HNF4G: variants seen among roughly 807,000 people sequenced by gnomAD.
HNF4G encodes the protein hepatocyte nuclear factor 4 gamma.
Under a neutral mutation model 50.9 loss-of-function variants are expected in HNF4G, and 21 were observed. That is an observed-to-expected ratio of 0.41 (90% confidence interval 0.29 to 0.59). The LOEUF is 0.59. Among genes scored for constraint, HNF4G ranks in the 20% least tolerant of loss-of-function variants. The pLI is 0.26. For synonymous variants in HNF4G, 198 were observed against 185.6 expected (o/e 1.07, Z -0.54); for missense variants, 527 against 559.4 (o/e 0.94, Z 0.58).
chr8:75,480,845 G>A (rs1284486211), intron 1 of HNF4G, among the ~76,000 whole-genome samples: 1 of 151,544 alleles, frequency 6.6e-6, no homozygotes, highest in Non-Finnish European at 1.5e-5. Context: ...CGAGTAACCG[G>A]GACTACATGC....
chr8:75,548,660 C>T (rs2130796968), intron 3 of HNF4G, among the ~76,000 whole-genome samples: 1 of 152,256 alleles, frequency 6.6e-6, no homozygotes, highest in East Asian at 1.9e-4. Flanking sequence ...TGTGTAACAG[C>T]TACAAAATTT....
chr8:75,459,701 T>C (rs1811801192), intron 1 of HNF4G, among the ~76,000 whole-genome samples: 1 of 152,170 alleles, frequency 6.6e-6, no homozygotes, highest in Admixed American at 6.6e-5. Context: ...TTTATGCATT[T>C]AGTCATGTAC....
At chr8:75,559,063 T>G in intron 8 of HNF4G, 26 bp downstream of exon 8, 2 of 1,319,852 alleles carry the variant, frequency 1.5e-6, no homozygotes, top group Non-Finnish European at 2.2e-6. Flanking sequence ...AATTTCTACT[T>G]TATTGATTAG....
intron 1 of HNF4G, among the ~76,000 whole-genome samples, chr8:75,476,869 A>G (rs1343762475): frequency 1.3e-5 from 2 of 152,216 alleles, no homozygotes; most frequent in African/African-American, 2.4e-5. Context: ...CTCCAGCTGT[A>G]TAGAAGGAAA....
chr8:75,424,800 A>G (rs1244336002), intron 1 of HNF4G, among the ~76,000 whole-genome samples: 2 of 152,186 alleles, frequency 1.3e-5, no homozygotes, highest in Non-Finnish European at 2.9e-5. Context: ...CCATTGATGG[A>G]CACCAAGGTT....
At position 75,530,794 on chromosome 8, in the gene HNF4G, C is replaced by CTTTTT. The variant is rs71567126; in HGVS notation, c.-23-13005_-23-13001dup. On this transcript the variant is annotated intron_variant, in intron 2 of 10. Transcript: ENST00000354370. ...ACAGTGGCAGGCATTGTTCAATGTG[C>CTTTTT]TTTTTTTTTTTTTTTTGAGACAGGG... 2.2e-3 allele frequency among the ~76,000 whole-genome samples: 294 copies of CTTTTT among 132,160 alleles called. 13 individuals carry two copies. Among genetic ancestry groups the CTTTTT allele is most frequent in the African/African-American group, 8.1e-3 (281 of 34,658 alleles). 86.7% of individuals were successfully genotyped at this position (132,160 alleles called of 152,430 possible). A position where few individuals can be genotyped will look rare whatever the true frequency, so the allele number is the denominator to read the frequency against.
chr8:75,516,056 G>A (rs904327934), intron 2 of HNF4G, among the ~76,000 whole-genome samples: 40 of 152,140 alleles, frequency 2.6e-4, no homozygotes, highest in Admixed American at 7.9e-4. Context: ...AAGCTACTGC[G>A]CCCTGCCCGA....
Position 75,558,994 on chromosome 8 carries a change from G to A in HNF4G, c.1080G>A (p.Gly360=), listed in dbSNP as rs1447617239. The change falls in exon 8 of 10, where the codon GGG becomes GGA. Residue 360 remains glycine (G), a synonymous_variant. Coordinates refer to ENST00000396423, the MANE Select transcript of HNF4G (RefSeq NM_004133.5). ...AAATACAGTTTGTTAAACTTTTTGG[G>A]ATGGTTAAAATTGACAATCTACTTC... ...IEQIQFVKLF[G]MVKIDNLLQE... The A allele has an allele frequency of 1.2e-6, 2 of 1,613,240 alleles. No homozygotes were observed. Among genetic ancestry groups the A allele is most frequent in the Non-Finnish European group, 1.7e-6 (2 of 1,179,208 alleles).
intron 2 of HNF4G, among the ~76,000 whole-genome samples, chr8:75,502,009 C>T (rs1301416202): frequency 6.6e-6 from 1 of 151,992 alleles, no homozygotes; most frequent in African/African-American, 2.4e-5. Flanking sequence ...TGCACCACCA[C>T]GCCCAGCTAA....
In HNF4G at chr8:75,559,598, A is replaced by G. The variant is rs1807246914; in HGVS notation, c.1123+561A>G. On this transcript the variant is annotated intron_variant, in intron 8 of 9. Coordinates refer to ENST00000396423, the MANE Select transcript of HNF4G (RefSeq NM_004133.5). Reference sequence around the variant, plus strand: ...GAAACCCCCATTCTTATTAGCCTCCACCACCTCTATTCCACAGTCCCTCTG... The same window carrying G: ...GAAACCCCCATTCTTATTAGCCTCCGCCACCTCTATTCCACAGTCCCTCTG... 1.3e-5 allele frequency among the ~76,000 whole-genome samples: 2 copies of G among 151,970 alleles called. 1 individual carries two copies. The highest frequency in any genetic ancestry group is 4.1e-4 in the South Asian group (2 of 4,824).
At chr8:75,441,941 G>C (rs1811296420) in intron 1 of HNF4G, among the ~76,000 whole-genome samples, 1 of 152,030 alleles carries the variant, frequency 6.6e-6, no homozygotes, top group Non-Finnish European at 1.5e-5. Context: ...ATGCATTGTG[G>C]TATATTCACG....
At chr8:75,490,573 G>A (rs1812603370) in intron 2 of HNF4G, among the ~76,000 whole-genome samples, 1 of 152,066 alleles carries the variant, frequency 6.6e-6, no homozygotes, top group Non-Finnish European at 1.5e-5. Context: ...ATTTAATGAT[G>A]GGAAAGAGTT....
chr8:75,553,269 A>G (rs1218826414), intron 5 of HNF4G, 72 bp downstream of exon 5: 17 of 1,234,612 alleles, frequency 1.4e-5, no homozygotes, highest in Non-Finnish European at 2.0e-5. Flanking sequence ...TTCTTTCCAT[A>G]TTATTTGTAA....
intron 1 of HNF4G, among the ~76,000 whole-genome samples, chr8:75,486,376 T>C (rs149986641): frequency 1.3e-4 from 20 of 152,292 alleles, no homozygotes; most frequent in Admixed American, 3.9e-4. Context: ...TTTGTTATAT[T>C]TTAATAACCA....
At chr8:75,535,533 T>A (rs1408127216), upstream of HNF4G, among the ~76,000 whole-genome samples, 1 of 151,854 alleles carries the variant, frequency 6.6e-6, no homozygotes, top group Non-Finnish European at 1.5e-5. Context: ...ATTTGTGTAA[T>A]CTTCATACTT....
At chr8:75,563,327 A>G (rs138221360) in intron 9 of HNF4G, among the ~76,000 whole-genome samples, 12 of 152,208 alleles carry the variant, frequency 7.9e-5, no homozygotes, top group African/African-American at 2.6e-4. Flanking sequence ...CATTCAATTC[A>G]ATTTTTTATA....
At chr8:75,424,879 A>C (rs1416992988) in intron 1 of HNF4G, among the ~76,000 whole-genome samples, 1 of 151,970 alleles carries the variant, frequency 6.6e-6, no homozygotes, top group Non-Finnish European at 1.5e-5. Context: ...TTTTTGGTAA[A>C]ATCATTTATT....
intron 2 of HNF4G, among the ~76,000 whole-genome samples, chr8:75,494,349 C>T (rs1585893577): frequency 1.4e-5 from 2 of 143,074 alleles, no homozygotes; most frequent in African/African-American, 5.2e-5. Context: ...CACACACACA[C>T]AGGTTGACAA....
chr8:75,457,752 G>T (rs894771357), intron 1 of HNF4G, among the ~76,000 whole-genome samples: 1 of 151,962 alleles, frequency 6.6e-6, no homozygotes, highest in African/African-American at 2.4e-5. Context: ...CTCAGGTCTA[G>T]CTCTGCATAA....
Sources: gnomAD v4.1 joint callset for allele counts (sites outside exome capture counted in the v4.1 genomes callset) on GRCh38, gnomAD v4.1.1 for gene constraint, MANE v1.5 for transcripts, NCBI Gene and HGNC (gene_info 2026-07-23, HGNC 2026-07-21) for gene names.